Variants in PPFIA3 observed in about 807,000 individuals in gnomAD.
The protein encoded by PPFIA3 is liprin-alpha-3.
In PPFIA3, 26 loss-of-function variants were observed where a neutral mutation model predicts 145.8. That is an observed-to-expected ratio of 0.18 (90% CI 0.13 to 0.25). The LOEUF (loss-of-function observed/expected upper bound fraction) is 0.25, where lower values mean the gene tolerates loss of function less well. PPFIA3 is among the 10% of genes least tolerant of loss of function. The probability of loss-of-function intolerance (pLI) is 1.00; values close to 1 mark genes in which losing one functional copy is unlikely to be tolerated. For synonymous variants in PPFIA3, 645 were observed against 661.4 expected, an observed-to-expected ratio of 0.98 and a Z score of 0.38; for missense variants, 1,008 against 1,587.8, an observed-to-expected ratio of 0.63 and a Z score of 6.21.
At chr19:49,124,789 G>A (rs1253483657) in intron 1 of PPFIA3, among the ~76,000 whole-genome samples, 3 of 152,136 alleles carry the variant, frequency 2.0e-5, no homozygotes, top group Non-Finnish European at 4.4e-5. Context: ...GTTGGGGCTG[G>A]GCGCGGTGGC....
intron 7 of PPFIA3, among the ~76,000 whole-genome samples, chr19:49,132,173 A>G (rs971222967): frequency 1.3e-5 from 2 of 151,818 alleles, no homozygotes; most frequent in Non-Finnish European, 2.9e-5. Flanking sequence ...ACATCACCTG[A>G]GGTCAGGAGT....
Position 49,133,281 on chromosome 19 carries a change from C to G in PPFIA3, c.1071C>G (p.Ala357=). The change falls in exon 9 of 30, where the codon GCC becomes GCG. Residue 357 remains alanine, a synonymous_variant. Transcript: ENST00000334186. The surrounding 1 kb of genome is among the most constrained non-coding windows in gnomAD (Gnocchi z 7.2). ...AGCTGGCCGAGTGGTTGGACGACGC[C>G]AAGCAGAAGCTGCAGCAGACGCTGC... The part of the protein sequence containing the change: ...SRQLAEWLDD[A]KQKLQQTLQK... The G allele has an allele frequency of 6.2e-7, 1 of 1,610,482 alleles. No individual in the cohort carries two copies. Among genetic ancestry groups the G allele is most frequent in the Non-Finnish European group, 8.5e-7 (1 of 1,178,888 alleles).
chr19:49,150,510 T>G lies in PPFIA3; in HGVS notation c.*288T>G. 5.7e-6 allele frequency: 1 copy of G among 175,506 alleles called. No homozygotes were observed. The highest frequency in any genetic ancestry group is 1.2e-5 in the Non-Finnish European group (1 of 83,112). The allele number at this position is 175,506 out of a possible 1,614,324, so 10.9% of individuals were successfully genotyped here. ...TCTACTTTGTAATTTATTGATCAGT[T>G]TCTGTTGGGAGACGGGTGTCCTTTA... is the stretch of plus-strand genomic sequence containing the variant. On this transcript the variant is annotated 3_prime_UTR_variant, in exon 30 of 30. Transcript: ENST00000334186.
At chr19:49,138,071 T>C in intron 15 of PPFIA3, 134 bp from the exon 16 acceptor site, 1 of 1,340,934 alleles carries the variant, frequency 7.5e-7, no homozygotes, top group Non-Finnish European at 9.7e-7. Context: ...CCCACCAAAG[T>C]CCTCTGACGT....
rs1406679734 is a variant in PPFIA3, at chr19:49,150,329, C to T, written c.*107C>T. The T allele has an allele frequency of 3.1e-6, 2 of 652,148 alleles. No homozygotes were observed. The highest frequency in any genetic ancestry group is 1.8e-5 in the African/African-American group (1 of 54,614). 40.4% of individuals were successfully genotyped at this position (652,148 alleles called of 1,614,324 possible). A position where few individuals can be genotyped will look rare whatever the true frequency, so the allele number is the denominator to read the frequency against. ...TCGCCGGGGAGAGCGGGCGGGGGAG[C>T]TCGCGCCGAGGACTGGACCATCTGT... On this transcript the variant is annotated 3_prime_UTR_variant, in exon 30 of 30. Coordinates refer to ENST00000334186, the MANE Select transcript of PPFIA3 (RefSeq NM_003660.4).
chr19:49,149,151 C>T lies in PPFIA3; in HGVS notation c.3268C>T (p.Pro1090Ser). Residue 1090 changes from proline (P) to serine (S), a missense_variant, in exon 26 of 30, where the codon CCC (proline) becomes TCC (serine). Pro to Ser is a moderately conservative substitution (Grantham distance 74, BLOSUM62 -1). Coordinates refer to ENST00000334186, the MANE Select transcript of PPFIA3 (RefSeq NM_003660.4). The surrounding 1 kb of genome is among the most constrained non-coding windows in gnomAD (Gnocchi z 5.7). ...YSDLALLLQI[P>S]TQNAQARQLL... ...CGACCTGGCCTTGCTCCTGCAGATC[C>T]CCACGCAGAATGCACAGGTGAGCTG... is the stretch of plus-strand genomic sequence containing the variant. 1 of 1,614,058 alleles carries T rather than the reference C, an allele frequency of 6.2e-7. No homozygotes were observed. Among genetic ancestry groups the T allele is most frequent in the Non-Finnish European group, 8.5e-7 (1 of 1,179,968 alleles).
chr19:49,140,129 C>G (rs908056550), intron 18 of PPFIA3, 41 bp downstream of exon 18: 1 of 1,591,220 alleles, frequency 6.3e-7, no homozygotes, highest in Non-Finnish European at 8.6e-7. Flanking sequence ...TTGTTCCTTC[C>G]TCCCTTCCTC....
At chr19:49,124,357 C>T (rs893454515) in intron 1 of PPFIA3, among the ~76,000 whole-genome samples, 4 of 152,094 alleles carry the variant, frequency 2.6e-5, no homozygotes, top group Admixed American at 6.6e-5. Context: ...CCGCGCCTGG[C>T]CCCCTGCTAT....
intron 21 of PPFIA3, chr19:49,145,605 A>C: frequency 3.0e-6 from 1 of 334,662 alleles, no homozygotes; most frequent in Non-Finnish European, 5.7e-6. Flanking sequence ...CATACTCCCT[A>C]AACATTTGCA....
chr19:49,127,835 T>G, intron 1 of PPFIA3, 24 bp from the exon 2 acceptor site: 1 of 1,587,540 alleles, frequency 6.3e-7, no homozygotes, highest in Non-Finnish European at 8.5e-7. Flanking sequence ...GGCCGGTCTG[T>G]TCCTTGCCCT....
At chr19:49,145,616 C>G (rs1401857308) in intron 21 of PPFIA3, 1 of 376,444 alleles carries the variant, frequency 2.7e-6, no homozygotes, top group East Asian at 5.8e-5. Context: ...AACATTTGCA[C>G]CATGGCTGTG....
At position 49,130,522 on chromosome 19, in the gene PPFIA3, G is replaced by C. The variant is rs758744713; in HGVS notation, c.802G>C (p.Glu268Gln). 1 of 1,590,506 alleles carries C rather than the reference G, an allele frequency of 6.3e-7. No homozygotes were observed. The highest frequency in any genetic ancestry group is 1.8e-5 in the Admixed American group (1 of 55,912). The change falls in exon 7 of 30, where the codon GAG becomes CAG. Residue 268 changes from glutamate to glutamine, a missense_variant. Glu to Gln is a conservative substitution (Grantham distance 29). Around this residue, in one of 11 missense-constraint regions of PPFIA3, gnomAD observed 136 missense variants for 160.7 expected, o/e 0.85. Coordinates refer to ENST00000334186, the MANE Select transcript of PPFIA3 (RefSeq NM_003660.4). This position sits in a 1 kb window ranked among gnomAD's most constrained non-coding sequence, Gnocchi z 4.5. ...GTGCCGTCAGATGAGCCAGCTGGAG[G>C]AGGAGTTGGGCACCGCGCACCGTGA... ...VLCRQMSQLE[E>Q]ELGTAHRELG...
intron 7 of PPFIA3, among the ~76,000 whole-genome samples, chr19:49,131,679 G>A (rs934979639): frequency 8.6e-5 from 13 of 151,774 alleles, no homozygotes; most frequent in East Asian, 7.8e-4. Context: ...AAAATTAGCC[G>A]GGCGTGGTGG....
rs117652773 is a variant in PPFIA3 at position 49,141,049 on chromosome 19, C to T, written c.2369-371C>T. ...GCCCGCTGGCACTGGCTCAGGAGAT[C>T]CGCTATTTCAGGAATTGGCTGACAT... On this transcript the variant is annotated intron_variant, in intron 18 of 29. Coordinates refer to ENST00000334186, the MANE Select transcript of PPFIA3 (RefSeq NM_003660.4). Among the ~76,000 whole-genome samples the T allele has an allele frequency of 8.6e-3, 1,312 of 152,286 alleles. 6 individuals carry two copies. The highest frequency in any genetic ancestry group is 0.014 in the Non-Finnish European group (920 of 68,020).
intron 16 of PPFIA3, among the ~76,000 whole-genome samples, chr19:49,139,102 G>T (rs1225895201): frequency 6.6e-6 from 1 of 152,040 alleles, no homozygotes; most frequent in African/African-American, 2.4e-5. Flanking sequence ...CCTGCTTCCA[G>T]AACCTGTAAC....
In PPFIA3 at chr19:49,149,642, G is replaced by GC. The variant is rs758649530; in HGVS notation, c.3456dup (p.Asn1153GlnfsTer49). 6.2e-7 allele frequency: 1 copy of GC among 1,614,146 alleles called. No individual in the cohort carries two copies. On this transcript the variant is annotated frameshift_variant, in exon 28 of 30. Coordinates refer to ENST00000334186, the MANE Select transcript of PPFIA3 (RefSeq NM_003660.4). LOFTEE classifies it high-confidence loss of function. This position sits in a 1 kb window ranked among gnomAD's most constrained non-coding sequence, Gnocchi z 5.7. ...TAACTCCCGACTCAGCTGAGATGTT[G>GC]CCCCCCAACTTTCGTTCGGCTGCAG...
intron 15 of PPFIA3, among the ~76,000 whole-genome samples, chr19:49,137,657 A>AAAAAAAAAAC (rs2041157046): frequency 8.1e-6 from 1 of 123,066 alleles, no homozygotes; most frequent in Non-Finnish European, 1.7e-5. Context: ...AAAAAAAAAA[A>AAAAAAAAAAC]AGTCCCCAAC....
At chr19:49,125,284 A>C (rs533193085) in intron 1 of PPFIA3, 178 of 152,510 alleles carry the variant, frequency 1.2e-3, no homozygotes, top group Non-Finnish European at 2.0e-3. Flanking sequence ...CCAAGGCCCC[A>C]TTCCCAGGCT....
In PPFIA3 at chr19:49,150,156, G is replaced by C. The variant is rs1434250253; in HGVS notation, c.*13+5G>C. Reference sequence around the variant, plus strand: ...CCTGCTAGTGCAGGCCTCCAGGTGAGGACCGTGCTGGGCGACCTTGGGGGT... The same window carrying C: ...CCTGCTAGTGCAGGCCTCCAGGTGACGACCGTGCTGGGCGACCTTGGGGGT... On this transcript the variant is annotated splice_donor_5th_base_variant and intron_variant, in intron 29 of 29. Coordinates refer to ENST00000334186, the MANE Select transcript of PPFIA3 (RefSeq NM_003660.4). 1 of 1,603,934 alleles carries C rather than the reference G, an allele frequency of 6.2e-7. No individual in the cohort carries two copies. The highest frequency in any genetic ancestry group is 1.7e-5 in the Admixed American group (1 of 58,436).
Sources: allele counts gnomAD v4.1 joint callset (sites outside exome capture counted in the v4.1 genomes callset), GRCh38; gene constraint gnomAD v4.1.1; regional missense constraint gnomAD v4.1.1; non-coding constraint Gnocchi (gnomAD v3.1); transcripts MANE v1.5; gene names NCBI Gene and HGNC (gene_info 2026-07-23, HGNC 2026-07-21).